TUSC3: variants seen among roughly 807,000 people sequenced by gnomAD.
The protein encoded by TUSC3 is dolichyl-diphosphooligosaccharide--protein glycosyltransferase subunit TUSC3.
Under a neutral mutation model 44.8 loss-of-function variants are expected in TUSC3, and 45 were observed. That is an observed-to-expected ratio of 1.00 (90% CI 0.79 to 1.29). The LOEUF (loss-of-function observed/expected upper bound fraction) is 1.29, where lower values mean the gene tolerates loss of function less well. Ranked by LOEUF, TUSC3 falls within the 50% of genes most tolerant of loss-of-function variation. TUSC3 has a pLI of 0.00. For missense variants in TUSC3, 519 were observed against 437.9 expected (o/e 1.19, Z -1.65); for synonymous variants, 212 against 152.9 (o/e 1.39, Z -2.85).
intron 1 of TUSC3, among the ~76,000 whole-genome samples, chr8:15,575,473 A>T (rs1803061480): frequency 6.6e-6 from 1 of 152,158 alleles, no homozygotes; most frequent in Non-Finnish European, 1.5e-5. Flanking sequence ...TATTTCAAAA[A>T]TTCTTCTGAG....
chr8:15,524,621 A>C (rs192081193), intron 2 of TUSC3, among the ~76,000 whole-genome samples: 3 of 152,338 alleles, frequency 2.0e-5, no homozygotes. Context: ...AATTGTGACC[A>C]TGTGTGACTT....
At chr8:15,716,899 G>A (rs999789441) in intron 6 of TUSC3, among the ~76,000 whole-genome samples, 1 of 151,560 alleles carries the variant, frequency 6.6e-6, no homozygotes, top group Non-Finnish European at 1.5e-5. Context: ...CTTCATTTGA[G>A]AAATTAAAAA....
chr8:15,583,124 A>C (rs1803442976), intron 1 of TUSC3, among the ~76,000 whole-genome samples: 1 of 152,234 alleles, frequency 6.6e-6, no homozygotes, highest in Admixed American at 6.5e-5. Flanking sequence ...TGGCAATAAG[A>C]ATAAACTAGA....
chr8:15,493,175 A>C (rs1255350282), intron 2 of TUSC3, among the ~76,000 whole-genome samples: 2 of 152,214 alleles, frequency 1.3e-5, no homozygotes, highest in Non-Finnish European at 2.9e-5. Flanking sequence ...AAAGTGAATG[A>C]AAGAACCAAA....
intron 2 of TUSC3, among the ~76,000 whole-genome samples, chr8:15,647,006 T>C (rs1194005225): frequency 2.0e-5 from 3 of 152,138 alleles, no homozygotes; most frequent in Admixed American, 2.0e-4. Context: ...CATTGTGATA[T>C]GAAGATGAGC....
intron 1 of TUSC3, among the ~76,000 whole-genome samples, chr8:15,591,566 G>C (rs924682520): frequency 5.9e-5 from 9 of 152,320 alleles, no homozygotes; most frequent in African/African-American, 9.6e-5. Context: ...ACAGTTAAAT[G>C]TATAAATATT....
rs78633276 is a variant in TUSC3 at position 15,610,714 on chromosome 8, G to C, written c.139-12366G>C. Among the ~76,000 whole-genome samples, 166 of 152,252 alleles carry C rather than the reference G, an allele frequency of 1.1e-3. 2 individuals are homozygous for C. The highest frequency in any genetic ancestry group is 6.2e-3 in the East Asian group (32 of 5,176). ...TTTAAAAAAGTGACATTTGAATAGG[G>C]CTACTGTGTTAGCAATTCCTATATT... is the stretch of plus-strand genomic sequence containing the variant. On this transcript the variant is annotated intron_variant, in intron 1 of 10. Coordinates refer to ENST00000503731, the MANE Select transcript of TUSC3 (RefSeq NM_006765.4).
the TUSC3 span, among the ~76,000 whole-genome samples, chr8:15,787,574 A>G: frequency 6.6e-5 from 10 of 152,366 alleles, no homozygotes; most frequent in Admixed American, 5.2e-4. Context: ...TGACTTCTGT[A>G]TATTTTCTCA....
At chr8:15,621,553 T>C (rs914553291) in intron 1 of TUSC3, among the ~76,000 whole-genome samples, 8 of 147,428 alleles carry the variant, frequency 5.4e-5, no homozygotes, top group African/African-American at 2.0e-4. Flanking sequence ...ATTTCCAAAG[T>C]TATATATATA....
chr8:15,584,719 G>T (rs979149861), intron 1 of TUSC3, among the ~76,000 whole-genome samples: 3 of 152,078 alleles, frequency 2.0e-5, no homozygotes, highest in African/African-American at 7.2e-5. Flanking sequence ...GGTGAAGGAG[G>T]AGGGTGAATG....
At chr8:15,436,927 A>G (rs1799954903) in intron 1 of TUSC3, among the ~76,000 whole-genome samples, 1 of 152,178 alleles carries the variant, frequency 6.6e-6, no homozygotes, top group Non-Finnish European at 1.5e-5. Context: ...GATAATTCAG[A>G]TCAATCTTTT....
chr8:15,501,906 C>T (rs1161539327), intron 2 of TUSC3, among the ~76,000 whole-genome samples: 15 of 152,164 alleles, frequency 9.9e-5, no homozygotes, highest in African/African-American at 2.9e-4. Flanking sequence ...TACCTGTGTC[C>T]ACCTTAGTTC....
intron 1 of TUSC3, among the ~76,000 whole-genome samples, chr8:15,621,776 C>T (rs958797185): frequency 1.4e-5 from 2 of 139,760 alleles, no homozygotes; most frequent in Admixed American, 7.0e-5. Context: ...AAAATTGGGT[C>T]TTTTAAAAAA....
At chr8:15,642,749 G>C (rs922171880) in intron 2 of TUSC3, among the ~76,000 whole-genome samples, 17 of 152,158 alleles carry the variant, frequency 1.1e-4, no homozygotes, top group South Asian at 6.2e-4. Flanking sequence ...TCCTGGGCAT[G>C]TTATCATAAA....
At chr8:15,761,437 C>T (rs1812164704) in intron 10 of TUSC3, among the ~76,000 whole-genome samples, 1 of 152,290 alleles carries the variant, frequency 6.6e-6, no homozygotes, top group South Asian at 2.1e-4. Context: ...CTTCTGGGGG[C>T]ACATTTGTGC....
intron 6 of TUSC3, among the ~76,000 whole-genome samples, chr8:15,724,624 G>A (rs1810427898): frequency 6.6e-6 from 1 of 152,126 alleles, no homozygotes; most frequent in Non-Finnish European, 1.5e-5. Context: ...TACTGAATCA[G>A]ATGCTAAACA....
chr8:15,463,356 T>G lies in TUSC3; in HGVS notation n.92-20030T>G, dbSNP rs540881739. ...CATCATAAATTAAAATCAGAGGAAT[T>G]TTTTCTAGTGGCATAGAATAGTCTC... On this transcript the variant is annotated intron_variant and non_coding_transcript_variant, in intron 1 of 5. Coordinates refer to the TUSC3 transcript ENST00000503191. Among the ~76,000 whole-genome samples the G allele has an allele frequency of 2.6e-5, 4 of 152,264 alleles. No individual in the cohort carries two copies. In the East Asian group the frequency reaches 5.8e-4, roughly 22 times the overall value.
At chr8:15,594,708 C>G (rs1803991578) in intron 1 of TUSC3, among the ~76,000 whole-genome samples, 1 of 152,092 alleles carries the variant, frequency 6.6e-6, no homozygotes, top group Admixed American at 6.5e-5. Flanking sequence ...TATTACTGGT[C>G]CTCTGTGAGT....
At chr8:15,727,864 A>T (rs968926354) in intron 6 of TUSC3, among the ~76,000 whole-genome samples, 2 of 152,342 alleles carry the variant, frequency 1.3e-5, no homozygotes, top group East Asian at 3.9e-4. Context: ...TTAGTAAAGT[A>T]TCTTGAGGAA....
Sources: gnomAD v4.1 joint callset for allele counts (sites outside exome capture counted in the v4.1 genomes callset) on GRCh38, gnomAD v4.1.1 for gene constraint, MANE v1.5 for transcripts, NCBI Gene and HGNC (gene_info 2026-07-23, HGNC 2026-07-21) for gene names.